Variants in SOBP observed in about 807,000 individuals in gnomAD.
The protein encoded by SOBP is sine oculis binding protein homolog, also known as sine oculis-binding protein homolog.
In SOBP, 4 loss-of-function variants were observed where a neutral mutation model predicts 53.6. That is an observed-to-expected ratio of 0.07 (90% CI 0.04 to 0.17). SOBP has a LOEUF of 0.17. Ranked by LOEUF, SOBP falls within the 10% of genes least tolerant of loss-of-function variation. The pLI is 1.00. For synonymous variants in SOBP, 584 were observed against 522.6 expected, an observed-to-expected ratio of 1.12 and a Z score of -1.60; for missense variants, 1,088 against 1,204.7, an observed-to-expected ratio of 0.90 and a Z score of 1.43.
At chr6:107,541,787 T>G (rs1784153654) in intron 4 of SOBP, among the ~76,000 whole-genome samples, 1 of 152,196 alleles carries the variant, frequency 6.6e-6, no homozygotes, top group Non-Finnish European at 1.5e-5. Flanking sequence ...TTGAAGGATG[T>G]GACACTTTCT....
intron 3 of SOBP, chr6:107,529,439 T>A: frequency 1.0e-6 from 1 of 985,130 alleles, no homozygotes; most frequent in Non-Finnish European, 1.2e-6. Context: ...TCATTGATTA[T>A]CTGGATGTGT....
Position 107,634,207 on chromosome 6 carries a change from A to G in SOBP, c.1363A>G (p.Met455Val). Residue 455 changes from methionine (M) to valine (V), a missense_variant, in exon 6 of 7, where the codon ATG (methionine) becomes GTG (valine). Physicochemically the swap from Met to Val is conservative, Grantham distance 21. This residue lies in a region of SOBP where 665 missense variants were observed against 629.7 expected (regional missense o/e 1.06). Coordinates refer to ENST00000317357, the MANE Select transcript of SOBP (RefSeq NM_018013.4). The surrounding 1 kb of genome is among the most constrained non-coding windows in gnomAD (Gnocchi z 4.5). ...CACTTCCAGCCCCATGCACCGGCCC[A>G]TGCTATCGCCCCACATCCACCCCCC... The part of the protein sequence containing the change: ...GPTSSPMHRP[M>V]LSPHIHPPST... The G allele has an allele frequency of 6.3e-7, 1 of 1,599,430 alleles. No homozygotes were observed. Among genetic ancestry groups the G allele is most frequent in the Admixed American group, 1.7e-5 (1 of 59,862 alleles).
rs562247182 is a variant in SOBP at position 107,654,683 on chromosome 6, C to G, written c.*4-3524C>G. 6.6e-5 allele frequency among the ~76,000 whole-genome samples: 10 copies of G among 152,300 alleles called. No individual in the cohort carries two copies. The East Asian group carries it at 1.9e-3, about 29-fold the overall frequency. On this transcript the variant is annotated intron_variant, in intron 6 of 6. Transcript: ENST00000317357. ...GGCCCCCACTGCACAGAGGAAGAAT[C>G]GAGGCTCTGAGGGATGGTGGCTGAG...
intron 3 of SOBP, among the ~76,000 whole-genome samples, chr6:107,507,081 G>C (rs1783017379): frequency 6.7e-6 from 1 of 150,274 alleles, no homozygotes; most frequent in Non-Finnish European, 1.5e-5. Flanking sequence ...AAAAAAAAAA[G>C]TAACCATGGT....
At chr6:107,540,823 G>A (rs910236550) in intron 4 of SOBP, among the ~76,000 whole-genome samples, 1 of 152,152 alleles carries the variant, frequency 6.6e-6, no homozygotes, top group Non-Finnish European at 1.5e-5. Flanking sequence ...CAGTTTCTGA[G>A]GCTCACTGTG....
At chr6:107,583,052 C>T (rs1057389864) in intron 4 of SOBP, among the ~76,000 whole-genome samples, 1 of 152,208 alleles carries the variant, frequency 6.6e-6, no homozygotes, top group Non-Finnish European at 1.5e-5. Flanking sequence ...TTGTCTGGCA[C>T]CCCACCCAAG....
In SOBP at chr6:107,511,082, T is replaced by A. The variant is rs149102238; in HGVS notation, c.421+4655T>A. Among the ~76,000 whole-genome samples the A allele has an allele frequency of 6.3e-3, 964 of 152,344 alleles. 31 individuals are homozygous for A. The East Asian group carries it at 0.09, about 14-fold the overall frequency. ...ACTCTGGGAAATAGCATATTAGATATTAAATTTAAAGAGCTGAAGTTCAAA... is the reference window on the plus strand; with the variant it reads ...ACTCTGGGAAATAGCATATTAGATAATAAATTTAAAGAGCTGAAGTTCAAA... On this transcript the variant is annotated intron_variant, in intron 3 of 6. Transcript: ENST00000317357.
At chr6:107,630,724 G>GAC (rs36145877) in intron 5 of SOBP, among the ~76,000 whole-genome samples, 2,441 of 148,840 alleles carry the variant, frequency 0.016, 99 homozygotes, top group East Asian at 0.14. Context: ...ATAAGGCAAG[G>GAC]ACACACACAC....
intron 5 of SOBP, among the ~76,000 whole-genome samples, chr6:107,623,967 A>T (rs1770342432): frequency 6.6e-6 from 1 of 152,162 alleles, no homozygotes; most frequent in Admixed American, 6.6e-5. Context: ...GTAAAATGGG[A>T]AAAATAGTAG....
intron 6 of SOBP, among the ~76,000 whole-genome samples, chr6:107,646,896 C>T (rs926240149): frequency 1.3e-5 from 2 of 152,174 alleles, no homozygotes; most frequent in Non-Finnish European, 1.5e-5. Context: ...AAAGGGACTT[C>T]AGCTCTCTGA....
At chr6:107,598,960 T>A (rs1405253895) in intron 5 of SOBP, among the ~76,000 whole-genome samples, 1 of 152,172 alleles carries the variant, frequency 6.6e-6, no homozygotes, top group African/African-American at 2.4e-5. Context: ...AAACTGAAGT[T>A]TAAAAATATT....
At chr6:107,548,513 A>G (rs1004855137) in intron 4 of SOBP, among the ~76,000 whole-genome samples, 2 of 152,054 alleles carry the variant, frequency 1.3e-5, no homozygotes, top group African/African-American at 4.8e-5. Context: ...AAGTGCTGGG[A>G]TTACAGGCGT....
intron 4 of SOBP, among the ~76,000 whole-genome samples, chr6:107,547,049 G>A (rs1432603245): frequency 6.6e-6 from 1 of 152,206 alleles, no homozygotes; most frequent in African/African-American, 2.4e-5. Flanking sequence ...TTATTTGGCA[G>A]TAGATGACAG....
chr6:107,564,130 G>A (rs1784849600), intron 4 of SOBP, among the ~76,000 whole-genome samples: 2 of 152,180 alleles, frequency 1.3e-5, no homozygotes, highest in African/African-American at 4.8e-5. Flanking sequence ...ACACCCAAAT[G>A]TGCGCGCGTT....
chr6:107,537,437 T>G (rs538729074), intron 4 of SOBP, among the ~76,000 whole-genome samples: 1 of 152,362 alleles, frequency 6.6e-6, no homozygotes, highest in East Asian at 1.9e-4. Flanking sequence ...AAGTTTTTAG[T>G]GTTCTTTATG....
chr6:107,654,368 A>G (rs2114254965), intron 6 of SOBP, among the ~76,000 whole-genome samples: 1 of 152,296 alleles, frequency 6.6e-6, no homozygotes, highest in African/African-American at 2.4e-5. Context: ...AGGAAAACCC[A>G]AGTGTGAGGT....
intron 4 of SOBP, among the ~76,000 whole-genome samples, chr6:107,542,610 A>G (rs1784180883): frequency 6.6e-6 from 1 of 152,240 alleles, no homozygotes; most frequent in African/African-American, 2.4e-5. Flanking sequence ...AGGCAACAGC[A>G]TTCACATCAA....
intron 5 of SOBP, among the ~76,000 whole-genome samples, chr6:107,628,961 C>T (rs1325004623): frequency 6.6e-6 from 1 of 152,194 alleles, no homozygotes; most frequent in East Asian, 1.9e-4. Context: ...AGCACCCCTG[C>T]CCACATCCCT....
intron 3 of SOBP, among the ~76,000 whole-genome samples, chr6:107,515,514 C>CGAGGTGGAGGGATCACTT (rs1783291711): frequency 1.3e-5 from 2 of 152,110 alleles, no homozygotes; most frequent in South Asian, 4.2e-4. Context: ...TTTGGGAGGC[C>CGAGGTGGAGGGATCACTT]GAGGTGGAGG....
Sources: allele counts gnomAD v4.1 joint callset (sites outside exome capture counted in the v4.1 genomes callset), GRCh38; gene constraint gnomAD v4.1.1; regional missense constraint gnomAD v4.1.1; non-coding constraint Gnocchi (gnomAD v3.1); transcripts MANE v1.5; gene names NCBI Gene and HGNC (gene_info 2026-07-23, HGNC 2026-07-21).